SAMMSON: variants seen among roughly 807,000 people sequenced by gnomAD.
SAMMSON encodes the protein long intergenic non-protein coding RNA 1212.
chr3:70,014,242 T>A (rs943459770), intron 3 of SAMMSON: 1 of 152,178 alleles, frequency 6.6e-6, no homozygotes, highest in South Asian at 2.1e-4. Context: ...GGGAATTCAG[T>A]TGGCTAACAT....
chr3:70,310,592 C>A (rs188518264), intron 7 of SAMMSON, among the ~76,000 whole-genome samples: 1 of 152,080 alleles, frequency 6.6e-6, no homozygotes, highest in Non-Finnish European at 1.5e-5. Context: ...TCTTGATCTC[C>A]TGACCGCAAG....
At chr3:70,266,963 A>G (rs1347638811) in intron 6 of SAMMSON, among the ~76,000 whole-genome samples, 5 of 152,188 alleles carry the variant, frequency 3.3e-5, no homozygotes, top group African/African-American at 4.8e-5. Flanking sequence ...AGGAGCCTTC[A>G]CATATGAACA....
intron 4 of SAMMSON, among the ~76,000 whole-genome samples, chr3:70,234,469 C>A (rs1046975598): frequency 2.6e-5 from 4 of 151,794 alleles, no homozygotes; most frequent in Admixed American, 6.6e-5. Context: ...GGCAACATAA[C>A]AAAACCCCAT....
chr3:70,103,084 G>A (rs114382277), intron 4 of SAMMSON, among the ~76,000 whole-genome samples: 2,006 of 152,190 alleles, frequency 0.013, 38 homozygotes, highest in African/African-American at 0.045. Context: ...TGTGGACTCT[G>A]GCAAACTGGA....
At chr3:70,271,489 T>C (rs1210641370) in intron 6 of SAMMSON, among the ~76,000 whole-genome samples, 1 of 152,234 alleles carries the variant, frequency 6.6e-6, no homozygotes, top group Non-Finnish European at 1.5e-5. Flanking sequence ...AATTTCTGAA[T>C]TTTAAATGTT....
At chr3:70,122,639 C>A (rs1018746222) in intron 4 of SAMMSON, among the ~76,000 whole-genome samples, 1 of 113,340 alleles carries the variant, frequency 8.8e-6, no homozygotes, top group African/African-American at 3.3e-5. Context: ...GTGAAAAAAA[C>A]ATGTTTTTTA....
intron 4 of SAMMSON, among the ~76,000 whole-genome samples, chr3:70,229,856 A>G (rs1272148689): frequency 1.3e-5 from 2 of 152,194 alleles, no homozygotes; most frequent in Non-Finnish European, 2.9e-5. Context: ...AGCTACTGTC[A>G]ATCAGCCTAG....
intron 4 of SAMMSON, among the ~76,000 whole-genome samples, chr3:70,202,898 C>G (rs941818811): frequency 4.6e-5 from 7 of 152,032 alleles, no homozygotes; most frequent in African/African-American, 1.7e-4. Flanking sequence ...GAAAAGGTGG[C>G]AATCCAAGGA....
At chr3:70,142,119 A>AT (rs2067529912) in intron 4 of SAMMSON, among the ~76,000 whole-genome samples, 1 of 23,874 alleles carries the variant, frequency 4.2e-5, no homozygotes, top group African/African-American at 1.3e-4. Flanking sequence ...GGAAAACAGC[A>AT]TGGAGGTTCC....
At chr3:70,311,176 A>C (rs932916469) in intron 7 of SAMMSON, among the ~76,000 whole-genome samples, 3 of 152,210 alleles carry the variant, frequency 2.0e-5, no homozygotes, top group Non-Finnish European at 4.4e-5. Flanking sequence ...TCCTTTTACA[A>C]TATAATAGAT....
chr3:70,334,566 A>T (rs1189297400), intron 7 of SAMMSON, among the ~76,000 whole-genome samples: 2 of 152,004 alleles, frequency 1.3e-5, no homozygotes, highest in Admixed American at 6.6e-5. Flanking sequence ...CCCTTCTTTA[A>T]TATGTAATTA....
At chr3:70,147,206 T>C (rs764207312) in intron 4 of SAMMSON, among the ~76,000 whole-genome samples, 21 of 152,036 alleles carry the variant, frequency 1.4e-4, no homozygotes, top group Admixed American at 1.2e-3. Flanking sequence ...TGTTCATGAA[T>C]TGGAAGATCT....
At chr3:70,384,240 A>G (rs1426522393) in intron 9 of SAMMSON, among the ~76,000 whole-genome samples, 1 of 152,068 alleles carries the variant, frequency 6.6e-6, no homozygotes, top group Non-Finnish European at 1.5e-5. Flanking sequence ...ATGATGAAAA[A>G]TTTTAATAAA....
intron 4 of SAMMSON, among the ~76,000 whole-genome samples, chr3:70,120,860 G>A (rs2067430096): frequency 6.6e-6 from 1 of 152,168 alleles, no homozygotes; most frequent in Non-Finnish European, 1.5e-5. Flanking sequence ...TCCACGGACT[G>A]GAGGTGTGGG....
chr3:70,227,848 C>A (rs905212938), intron 4 of SAMMSON, among the ~76,000 whole-genome samples: 1 of 152,010 alleles, frequency 6.6e-6, no homozygotes, highest in Non-Finnish European at 1.5e-5. Context: ...TAGTAGTAAG[C>A]GGCAGAGCTG....
chr3:70,283,954 G>A (rs1702115093), intron 6 of SAMMSON: 1 of 152,022 alleles, frequency 6.6e-6, no homozygotes, highest in South Asian at 2.1e-4. Context: ...CTTTACTTCT[G>A]ATCCCTGATC....
At chr3:70,315,652 C>T (rs761262701) in intron 7 of SAMMSON, among the ~76,000 whole-genome samples, 2 of 152,062 alleles carry the variant, frequency 1.3e-5, no homozygotes, top group South Asian at 2.1e-4. Flanking sequence ...AAATTGTCAT[C>T]TGGGTAATGG....
intron 9 of SAMMSON, among the ~76,000 whole-genome samples, chr3:70,380,669 T>C (rs1481815597): frequency 1.3e-5 from 2 of 152,136 alleles, no homozygotes; most frequent in East Asian, 3.9e-4. Context: ...ATTAGGTATA[T>C]CTCCTAATGC....
chr3:70,329,210 T>C (rs985297229), intron 7 of SAMMSON, among the ~76,000 whole-genome samples: 3 of 152,150 alleles, frequency 2.0e-5, no homozygotes, highest in African/African-American at 7.2e-5. Context: ...GGAGAAACTT[T>C]CTGAATAAAA....
Sources: allele counts gnomAD v4.1 joint callset (sites outside exome capture counted in the v4.1 genomes callset), GRCh38; gene constraint gnomAD v4.1.1; transcripts MANE v1.5; gene names NCBI Gene and HGNC (gene_info 2026-07-23, HGNC 2026-07-21).